Variants in HSPG2 observed in about 807,000 individuals in gnomAD.
The protein encoded by HSPG2 is heparan sulfate proteoglycan 2, also known as basement membrane-specific heparan sulfate proteoglycan core protein.
A neutral mutation model predicts 526.6 loss-of-function variants in HSPG2; 278 were observed. The ratio of observed to expected loss-of-function variants is 0.53; its 90% CI spans 0.48 to 0.58. The LOEUF (loss-of-function observed/expected upper bound fraction) is 0.58. Among genes scored for constraint, HSPG2 ranks in the 20% least tolerant of loss-of-function variants. The pLI, the probability that HSPG2 is intolerant of heterozygous loss-of-function variation, is 0.00. For missense variants in HSPG2, 5,354 were observed against 6,099.5 expected (o/e 0.88, Z 4.07); for synonymous variants, 2,465 against 2,555.4 (o/e 0.96, Z 1.07).
Position 21,865,181 on chromosome 1 carries a change from G to T in HSPG2, c.4395+104C>A. Reference sequence around the variant, plus strand: ...ACAGGCACTGACTGAGGGCTGCCAGGTGAAGGTTGGGGAGCGAGAGACAGG... The same window carrying T: ...ACAGGCACTGACTGAGGGCTGCCAGTTGAAGGTTGGGGAGCGAGAGACAGG... On this transcript the variant is annotated intron_variant, in intron 35 of 96. Transcript: ENST00000374695. This position sits in a 1 kb window ranked among gnomAD's most constrained non-coding sequence, Gnocchi z 5.4. 1.3e-6 allele frequency: 2 copies of T among 1,516,270 alleles called. No individual in the cohort carries two copies. Among genetic ancestry groups the T allele is most frequent in the Admixed American group, 3.3e-5 (2 of 59,862 alleles). The allele number at this position is 1,516,270 out of a possible 1,614,324, so 93.9% of individuals were successfully genotyped here. A position where few individuals can be genotyped will look rare whatever the true frequency, so the allele number is the denominator to read the frequency against.
Position 21,859,352 on chromosome 1 carries a change from T to C in HSPG2, c.5293+214A>G, listed in dbSNP as rs1463208283. Among the ~76,000 whole-genome samples the C allele has an allele frequency of 6.6e-6, 1 of 152,104 alleles. No individual in the cohort carries two copies. The highest frequency in any genetic ancestry group is 1.5e-5 in the Non-Finnish European group (1 of 68,014). On this transcript the variant is annotated intron_variant, in intron 42 of 96. Coordinates refer to ENST00000374695, the MANE Select transcript of HSPG2 (RefSeq NM_005529.7). The surrounding 1 kb of genome is among the most constrained non-coding windows in gnomAD (Gnocchi z 5.3). Reference sequence around the variant, plus strand: ...GTGACCCACCGTGCCCGGCCCACCCTTTTCTTTTGCCCTCACCGACCAGTC... The same window carrying C: ...GTGACCCACCGTGCCCGGCCCACCCCTTTCTTTTGCCCTCACCGACCAGTC...
intron 65 of HSPG2, 149 bp downstream of exon 65, chr1:21,843,999 A>T (rs1460536681): frequency 3.8e-6 from 4 of 1,059,756 alleles, no homozygotes; most frequent in Non-Finnish European, 5.5e-6. Flanking sequence ...TGCTGTGCCC[A>T]GCCCGCTCTC....
intron 33 of HSPG2, chr1:21,870,429 G>A: frequency 2.6e-5 from 8 of 306,958 alleles, no homozygotes; most frequent in Non-Finnish European, 3.8e-5. Context: ...CACTAATTAG[G>A]AAGAAAGATG....
rs764058346 is a variant in HSPG2 at position 21,855,664 on chromosome 1, C to T, written c.5713G>A (p.Gly1905Ser). The T allele has an allele frequency of 1.7e-5, 26 of 1,574,502 alleles. No homozygotes were observed. Among genetic ancestry groups the T allele is most frequent in the East Asian group, 2.3e-5 (1 of 43,172 alleles). The change falls in exon 46 of 97, where the codon GGC (glycine) becomes AGC (serine). Residue 1905 changes from glycine (G) to serine (S), a missense_variant. Physicochemically the swap from Gly to Ser is moderately conservative, Grantham distance 56 (BLOSUM62 0). Transcript: ENST00000374695. ...ATTTGTGCCTTCGCAGGGAGCTGGCCGCCGGGGCCCCCTGACGAGTAGACG... is the reference window on the plus strand; with the variant it reads ...ATTTGTGCCTTCGCAGGGAGCTGGCTGCCGGGGCCCCCTGACGAGTAGACG... ...PTLEWTGGPG[G>S]QLPAKAQIHG... is the part of the protein sequence containing the mutation.
Position 21,836,962 on chromosome 1 carries a change from T to C in HSPG2, c.10195A>G (p.Thr3399Ala), listed in dbSNP as rs371355158. The C allele has an allele frequency of 2.6e-6, 4 of 1,554,292 alleles. No individual in the cohort carries two copies. Among genetic ancestry groups the C allele is most frequent in the Non-Finnish European group, 3.5e-6 (4 of 1,148,992 alleles). Residue 3399 changes from threonine to alanine, a missense_variant, in exon 75 of 97, where the codon ACG becomes GCG. Transcript: ENST00000374695. ...LPATSIPAGS[T>A]PTVQVTPQLE... ...TGAGGCGTGACCTGCACGGTGGGCG[T>C]GGACCCTGCTGGGATGGAGGTGGCA... is the stretch of plus-strand genomic sequence containing the variant.
At position 21,847,683 on chromosome 1, in the gene HSPG2, C is replaced by G. The variant is rs112535904; in HGVS notation, c.8025+6G>C. 2 of 1,606,454 alleles carry G rather than the reference C, an allele frequency of 1.2e-6. No individual in the cohort carries two copies. The highest frequency in any genetic ancestry group is 1.1e-5 in the South Asian group (1 of 90,040). ...CCACCCCCGCTGCTGTGGCTCCACT[C>G]TGTACCTGGTGTCGGGAGGGAAGGC... On this transcript the variant is annotated splice_donor_region_variant and intron_variant, in intron 61 of 96. Transcript: ENST00000374695. This position sits in a 1 kb window ranked among gnomAD's most constrained non-coding sequence, Gnocchi z 4.1.
At chr1:21,894,060 G>A (rs773118988) in intron 3 of HSPG2, among the ~76,000 whole-genome samples, 4 of 151,980 alleles carry the variant, frequency 2.6e-5, no homozygotes, top group Non-Finnish European at 4.4e-5. Flanking sequence ...CAGACATGCC[G>A]ACAAGGGTCA....
At position 21,905,462 on chromosome 1, in the gene HSPG2, G is replaced by A. The variant is rs536443286; in HGVS notation, c.64-9152C>T. Among the ~76,000 whole-genome samples the A allele has an allele frequency of 3.4e-3, 525 of 152,182 alleles. 1 individual carries two copies. The highest frequency in any genetic ancestry group is 5.3e-3 in the Non-Finnish European group (362 of 68,018). ...TGCTCCAATGTCACCTTTCAGCCGC[G>A]CATGGTCGGTGCCTCACGCCTATAA... On this transcript the variant is annotated intron_variant, in intron 1 of 96. Coordinates refer to ENST00000374695, the MANE Select transcript of HSPG2 (RefSeq NM_005529.7).
intron 1 of HSPG2, among the ~76,000 whole-genome samples, chr1:21,916,691 CA>C (rs11401856): frequency 0.089 from 11,990 of 135,000 alleles, 1,191 homozygotes; most frequent in African/African-American, 0.26. Context: ...GACTCCATCT[CA>C]AAAAAAAAAA....
At position 21,839,704 on chromosome 1, in the gene HSPG2, G is replaced by A. The variant is rs1012880941; in HGVS notation, c.9709+118C>T. 4 of 1,375,836 alleles carry A rather than the reference G, an allele frequency of 2.9e-6. No homozygotes were observed. Among genetic ancestry groups the A allele is most frequent in the African/African-American group, 2.9e-5 (2 of 69,936 alleles). 85.2% of individuals were successfully genotyped at this position (1,375,836 alleles called of 1,614,324 possible). A position where few individuals can be genotyped will look rare whatever the true frequency, so the allele number is the denominator to read the frequency against. ...CATCACTGGGGGATGCTAGCAACACGGTCTCCCCGTACTCCCCACCCCTGG... is the reference window on the plus strand; with the variant it reads ...CATCACTGGGGGATGCTAGCAACACAGTCTCCCCGTACTCCCCACCCCTGG... On this transcript the variant is annotated intron_variant, in intron 72 of 96. Transcript: ENST00000374695. This position sits in a 1 kb window ranked among gnomAD's most constrained non-coding sequence, Gnocchi z 4.5.
intron 1 of HSPG2, among the ~76,000 whole-genome samples, chr1:21,913,586 G>A (rs1643781683): frequency 6.6e-6 from 1 of 152,136 alleles, no homozygotes; most frequent in South Asian, 2.1e-4. Context: ...TAGCTGCTGG[G>A]TCCCCCCAGC....
chr1:21,846,688 C>A, intron 62 of HSPG2, 89 bp from the exon 63 acceptor site: 1 of 1,444,178 alleles, frequency 6.9e-7, no homozygotes, highest in Non-Finnish European at 9.7e-7. Flanking sequence ...AAAATCTCAC[C>A]CCCCAGAGTA....
intron 86 of HSPG2, 34 bp from the exon 87 acceptor site, chr1:21,829,638 G>A: frequency 6.4e-7 from 1 of 1,564,914 alleles, no homozygotes; most frequent in South Asian, 1.1e-5. Context: ...AGGCAGTGGG[G>A]ATCCTGGACC....
At position 21,937,280 on chromosome 1, in the gene HSPG2, G is replaced by T; in HGVS notation, c.-63C>A. 1 of 580,742 alleles carries T rather than the reference G, an allele frequency of 1.7e-6. No homozygotes were observed. The highest frequency in any genetic ancestry group is 2.1e-6 in the Non-Finnish European group (1 of 474,124). 36.0% of individuals were successfully genotyped at this position (580,742 alleles called of 1,614,324 possible). On this transcript the variant is annotated 5_prime_UTR_variant, in exon 1 of 97. It adds an upstream start codon to the 5' untranslated region. Transcript: ENST00000374695. ...CGCCGCCCGCTCCGCGCCGCCCGCA[G>T]CCGCCCGCTCGCCGGCCAGCTCGGG... is the stretch of plus-strand genomic sequence containing the variant.
At position 21,824,961 on chromosome 1, in the gene HSPG2, G is replaced by C; in HGVS notation, c.12590-182C>G. 1.5e-6 allele frequency: 1 copy of C among 647,958 alleles called. No individual in the cohort carries two copies. 40.1% of individuals were successfully genotyped at this position (647,958 alleles called of 1,614,324 possible). ...GGAGCCTATGACCTTGGATGGGAAA[G>C]CATTACACCTCAATTTCACTCACTT... On this transcript the variant is annotated intron_variant, in intron 91 of 96. Transcript: ENST00000374695. This position sits in a 1 kb window ranked among gnomAD's most constrained non-coding sequence, Gnocchi z 5.9.
In HSPG2 at chr1:21,872,610, A is replaced by G. The variant is rs1640739948; in HGVS notation, c.4029+10T>C. The G allele has an allele frequency of 1.3e-6, 2 of 1,578,958 alleles. No homozygotes were observed. Among genetic ancestry groups the G allele is most frequent in the Non-Finnish European group, 8.6e-7 (1 of 1,163,980 alleles). ...AACACCGCCTGGGGCTGGGCAGCAC[A>G]GGCTCTCACCAGGTGGCGTGTGTAG... is the stretch of plus-strand genomic sequence containing the variant. On this transcript the variant is annotated intron_variant, in intron 32 of 96. Transcript: ENST00000374695. This position sits in a 1 kb window ranked among gnomAD's most constrained non-coding sequence, Gnocchi z 5.5.
intron 1 of HSPG2, among the ~76,000 whole-genome samples, chr1:21,915,792 A>C (rs1464965164): frequency 6.6e-6 from 1 of 151,498 alleles, no homozygotes; most frequent in Non-Finnish European, 1.5e-5. Context: ...GCTCACGCCT[A>C]TAATCCCAGC....
rs562192551 is a variant in HSPG2, at chr1:21,823,908, A to G, written c.12900-189T>C. ...ACACAGCTTCCTCATTTCTGCACCC[A>G]GGTTTCCTCCCACTCCTGGGGCACT... is the stretch of plus-strand genomic sequence containing the variant. On this transcript the variant is annotated intron_variant, in intron 95 of 96. Coordinates refer to ENST00000374695, the MANE Select transcript of HSPG2 (RefSeq NM_005529.7). 46 of 721,974 alleles carry G rather than the reference A, an allele frequency of 6.4e-5. No individual in the cohort carries two copies. In the East Asian group the frequency reaches 1.2e-3, roughly 18 times the overall value. The allele number at this position is 721,974 out of a possible 1,614,324, so 44.7% of individuals were successfully genotyped here.
chr1:21,908,365 A>C (rs1643491019), intron 1 of HSPG2: 1 of 1,082,528 alleles, frequency 9.2e-7, no homozygotes, highest in South Asian at 1.3e-5. Flanking sequence ...CAAGAGAATT[A>C]ATGTGCGTAT....
Sources: gnomAD v4.1 joint callset for allele counts (sites outside exome capture counted in the v4.1 genomes callset) on GRCh38, gnomAD v4.1.1 for gene constraint, Gnocchi (gnomAD v3.1) non-coding constraint, MANE v1.5 for transcripts, NCBI Gene and HGNC (gene_info 2026-07-23, HGNC 2026-07-21) for gene names.